FNDC1: variants seen among roughly 807,000 people sequenced by gnomAD.
FNDC1 encodes the protein fibronectin type III domain containing 1.
A neutral mutation model predicts 168.0 loss-of-function variants in FNDC1; 96 were observed. The ratio of observed to expected loss-of-function variants is 0.57; its 90% CI spans 0.48 to 0.68. FNDC1 has a LOEUF of 0.68. Ranked by LOEUF, FNDC1 falls within the 30% of genes least tolerant of loss-of-function variation. FNDC1 has a pLI of 0.00. For synonymous variants in FNDC1, 1,099 were observed against 1,025.9 expected (o/e 1.07, Z -1.36); for missense variants, 2,587 against 2,482.1 (o/e 1.04, Z -0.90).
Position 159,225,597 on chromosome 6 carries a change from C to A in FNDC1, c.947C>A (p.Ala316Asp). 1 of 1,613,924 alleles carries A rather than the reference C, an allele frequency of 6.2e-7. No homozygotes were observed. The highest frequency in any genetic ancestry group is 8.5e-7 in the Non-Finnish European group (1 of 1,179,876). The change falls in exon 8 of 23, where the codon GCT becomes GAT. Residue 316 changes from alanine to aspartate, a missense_variant. Transcript: ENST00000297267. ...ELARWDYKQI[A>D]NRRVLIENLI... is the part of the protein sequence containing the mutation. ...GCCAGGTGGGATTATAAGCAGATCG[C>A]TAACAGGCGTGTGCTGATTGAGAAC...
intron 5 of FNDC1, among the ~76,000 whole-genome samples, chr6:159,218,050 GT>G (rs1463423758): frequency 6.6e-6 from 1 of 152,192 alleles, no homozygotes; most frequent in African/African-American, 2.4e-5. Context: ...AGAGTCCCTG[GT>G]TTTGCATCTC....
At chr6:159,240,061 C>A in intron 14 of FNDC1, 104 bp downstream of exon 14, 1 of 1,034,360 alleles carries the variant, frequency 9.7e-7, no homozygotes, top group South Asian at 2.7e-5. Context: ...GCACCGTGCA[C>A]AGCAAAGCAG....
intron 11 of FNDC1, 75 bp from the exon 12 acceptor site, chr6:159,236,140 G>A (rs2114996660): frequency 1.0e-6 from 1 of 965,506 alleles, no homozygotes; most frequent in Non-Finnish European, 1.6e-6. Context: ...ACTACTAATA[G>A]TTTGGTATGA....
chr6:159,198,802 C>T (rs1404273397), intron 2 of FNDC1, among the ~76,000 whole-genome samples: 1 of 152,190 alleles, frequency 6.6e-6, no homozygotes, highest in Non-Finnish European at 1.5e-5. Flanking sequence ...GAAATACAAA[C>T]AAGCTCAGAG....
chr6:159,269,248 TC>T (rs745859044), intron 22 of FNDC1, among the ~76,000 whole-genome samples: 3,587 of 109,486 alleles, frequency 0.033, 241 homozygotes, highest in East Asian at 0.2. Flanking sequence ...TATCTATCTA[TC>T]CATCTATCAT....
intron 7 of FNDC1, among the ~76,000 whole-genome samples, chr6:159,225,141 CAGGTCCCT>C (rs1782923619): frequency 1.3e-5 from 2 of 151,946 alleles, no homozygotes; most frequent in South Asian, 4.2e-4. Flanking sequence ...AACCTTGGGC[CAGGTCCCT>C]ACTAGTGCCT....
intron 1 of FNDC1, among the ~76,000 whole-genome samples, chr6:159,174,392 T>A (rs1781721798): frequency 2.0e-5 from 3 of 152,286 alleles, no homozygotes; most frequent in East Asian, 3.8e-4. Context: ...ATGAAAAACC[T>A]GCGTCTTCCT....
At chr6:159,189,229 G>C (rs1165274744) in intron 1 of FNDC1, among the ~76,000 whole-genome samples, 20 of 152,284 alleles carry the variant, frequency 1.3e-4, no homozygotes, top group Non-Finnish European at 2.4e-4. Flanking sequence ...AACTAGGGCT[G>C]TAAGCATCAT....
At chr6:159,253,160 C>T (rs888377731) in intron 17 of FNDC1, among the ~76,000 whole-genome samples, 3 of 152,154 alleles carry the variant, frequency 2.0e-5, no homozygotes, top group African/African-American at 4.8e-5. Flanking sequence ...TGAGTACTCA[C>T]GACACTAGCA....
chr6:159,211,020 C>G (rs904724538), intron 4 of FNDC1, among the ~76,000 whole-genome samples: 1 of 152,156 alleles, frequency 6.6e-6, no homozygotes, highest in African/African-American at 2.4e-5. Context: ...CTTCGAGCAC[C>G]ATGGCTCCGG....
intron 17 of FNDC1, among the ~76,000 whole-genome samples, chr6:159,255,687 T>G (rs1375465012): frequency 1.3e-5 from 2 of 152,252 alleles, no homozygotes; most frequent in Admixed American, 1.3e-4. Flanking sequence ...AGGCAATACC[T>G]ACATACTAGG....
At chr6:159,195,896 A>G (rs1212558256) in intron 1 of FNDC1, among the ~76,000 whole-genome samples, 1 of 152,138 alleles carries the variant, frequency 6.6e-6, no homozygotes, top group African/African-American at 2.4e-5. Flanking sequence ...TCATTCATTT[A>G]TATTCTTCCT....
chr6:159,248,272 C>G (rs887877461), intron 15 of FNDC1, among the ~76,000 whole-genome samples: 7 of 152,142 alleles, frequency 4.6e-5, no homozygotes, highest in African/African-American at 1.4e-4. Context: ...AATCCCACCC[C>G]CCATGCCCAG....
At chr6:159,210,306 C>A (rs529552852) in intron 4 of FNDC1, among the ~76,000 whole-genome samples, 3 of 152,274 alleles carry the variant, frequency 2.0e-5, no homozygotes, top group Admixed American at 1.3e-4. Flanking sequence ...GCTACCGATC[C>A]GACAGATGGG....
At chr6:159,204,724 G>A (rs889749822) in intron 4 of FNDC1, among the ~76,000 whole-genome samples, 3 of 152,240 alleles carry the variant, frequency 2.0e-5, no homozygotes, top group African/African-American at 2.4e-5. Context: ...CAGATGAAGA[G>A]CTGATCTGAT....
intron 1 of FNDC1, among the ~76,000 whole-genome samples, chr6:159,185,999 C>T (rs1157634567): frequency 6.6e-6 from 1 of 152,206 alleles, no homozygotes; most frequent in East Asian, 1.9e-4. Context: ...AATAAAAATC[C>T]AGCTTAAAAT....
chr6:159,196,206 T>G (rs568457723), intron 1 of FNDC1, among the ~76,000 whole-genome samples: 1 of 152,318 alleles, frequency 6.6e-6, no homozygotes, highest in South Asian at 2.1e-4. Context: ...ACCTCTGGAG[T>G]TGGGAGGGAA....
At chr6:159,218,799 G>T (rs1782758844) in intron 5 of FNDC1, among the ~76,000 whole-genome samples, 1 of 152,162 alleles carries the variant, frequency 6.6e-6, no homozygotes, top group Admixed American at 6.5e-5. Flanking sequence ...TTTGGGCAAA[G>T]ACTTGCAGCC....
chr6:159,238,280 G>A (rs1583900822), intron 12 of FNDC1, among the ~76,000 whole-genome samples: 1 of 151,992 alleles, frequency 6.6e-6, no homozygotes, highest in East Asian at 1.9e-4. Context: ...TGTATTTTTA[G>A]TAGAGACGGG....
Sources: gnomAD v4.1 joint callset for allele counts (sites outside exome capture counted in the v4.1 genomes callset) on GRCh38, gnomAD v4.1.1 for gene constraint, MANE v1.5 for transcripts, NCBI Gene and HGNC (gene_info 2026-07-23, HGNC 2026-07-21) for gene names.